The following KIAA1217 variants were observed in gnomAD, a reference collection of about 807,000 sequenced individuals.
KIAA1217 encodes KIAA1217.
KIAA1217 carries 88 observed loss-of-function variants against 163.9 expected under a neutral mutation model. That is an observed-to-expected ratio of 0.54 (90% CI 0.45 to 0.64). The LOEUF (loss-of-function observed/expected upper bound fraction) is 0.64, where lower values mean the gene tolerates loss of function less well. Ranked by LOEUF, KIAA1217 falls within the 30% of genes least tolerant of loss-of-function variation. The pLI is 0.00. For missense variants in KIAA1217, 2,372 were observed against 2,475.0 expected (o/e 0.96, Z 0.88); for synonymous variants, 903 against 923.1 (o/e 0.98, Z 0.39).
chr10:23,735,877 A>C (rs1427606537), intron 1 of KIAA1217, among the ~76,000 whole-genome samples: 1 of 152,248 alleles, frequency 6.6e-6, no homozygotes, highest in Admixed American at 6.5e-5. Context: ...CCATCAACAT[A>C]ATCAAGATCA....
At chr10:23,779,253 A>C (rs991017290) in intron 1 of KIAA1217, among the ~76,000 whole-genome samples, 2 of 152,308 alleles carry the variant, frequency 1.3e-5, no homozygotes, top group African/African-American at 4.8e-5. Context: ...CAGGTCAGAA[A>C]ATCACATTTG....
intron 2 of KIAA1217, among the ~76,000 whole-genome samples, chr10:24,141,688 A>C (rs1056351751): frequency 2.6e-5 from 4 of 152,156 alleles, no homozygotes; most frequent in African/African-American, 7.2e-5. Flanking sequence ...GGACAGACGC[A>C]AACAGCACTC....
intron 3 of KIAA1217, among the ~76,000 whole-genome samples, chr10:24,399,814 T>C (rs1354200975): frequency 6.6e-6 from 1 of 152,202 alleles, no homozygotes; most frequent in Non-Finnish European, 1.5e-5. Flanking sequence ...CTGTACCCCT[T>C]GTCACCACAA....
chr10:24,006,198 A>C (rs998883130), intron 1 of KIAA1217, among the ~76,000 whole-genome samples: 6 of 152,224 alleles, frequency 3.9e-5, no homozygotes, highest in Non-Finnish European at 5.9e-5. Context: ...TGAGTATTTC[A>C]GGGTGAAAAC....
At chr10:23,697,307 T>G (rs950143660) in intron 1 of KIAA1217, among the ~76,000 whole-genome samples, 2 of 152,246 alleles carry the variant, frequency 1.3e-5, no homozygotes, top group African/African-American at 4.8e-5. Flanking sequence ...ATTTTGCTAC[T>G]AATGTATGAA....
At chr10:24,373,464 A>G (rs770661936) in intron 2 of KIAA1217, among the ~76,000 whole-genome samples, 4 of 152,152 alleles carry the variant, frequency 2.6e-5, no homozygotes, top group Non-Finnish European at 4.4e-5. Flanking sequence ...TGGGGATACC[A>G]TTAACAACCC....
intron 2 of KIAA1217, among the ~76,000 whole-genome samples, chr10:24,229,406 A>G (rs991536673): frequency 6.6e-6 from 1 of 152,264 alleles, no homozygotes; most frequent in Non-Finnish European, 1.5e-5. Flanking sequence ...TTCTAATCCA[A>G]TGGCGAAATG....
At chr10:24,212,077 A>G (rs961008110) in intron 1 of KIAA1217, among the ~76,000 whole-genome samples, 4 of 151,912 alleles carry the variant, frequency 2.6e-5, no homozygotes, top group African/African-American at 9.7e-5. Context: ...AAAGAGAAGG[A>G]AGGAAAAAGA....
At chr10:24,466,930 C>A (rs1375484740) in intron 5 of KIAA1217, 2 of 239,346 alleles carry the variant, frequency 8.4e-6, no homozygotes, top group Non-Finnish European at 1.4e-5. Flanking sequence ...TGAAATACAA[C>A]AAACTGTACA....
At chr10:23,951,714 C>T (rs932505160) in intron 1 of KIAA1217, among the ~76,000 whole-genome samples, 4 of 152,090 alleles carry the variant, frequency 2.6e-5, no homozygotes, top group African/African-American at 7.2e-5. Flanking sequence ...TTTAGTCTGC[C>T]GTGTGCAAGA....
At chr10:24,134,186 A>C (rs1449458818) in intron 2 of KIAA1217, among the ~76,000 whole-genome samples, 1 of 152,156 alleles carries the variant, frequency 6.6e-6, no homozygotes, top group African/African-American at 2.4e-5. Flanking sequence ...TTAAAGATAA[A>C]GGGATTTAGA....
At chr10:24,040,328 A>G (rs1848577957) in intron 2 of KIAA1217, among the ~76,000 whole-genome samples, 1 of 152,206 alleles carries the variant, frequency 6.6e-6, no homozygotes, top group African/African-American at 2.4e-5. Context: ...CACAATTGGA[A>G]TGCTCTTCAT....
chr10:24,239,673 ATG>A lies in KIAA1217; in HGVS notation c.354+19786_354+19787del, dbSNP rs150874554. ...CCATGTATTTCTTATTTATTCCCAG[ATG>A]TGTGTGTGTGTGTGTGTGTGTTTGT... On this transcript the variant is annotated intron_variant, in intron 2 of 20. Coordinates refer to ENST00000376454, the MANE Select transcript of KIAA1217 (RefSeq NM_019590.5). Among the ~76,000 whole-genome samples, 673 of 147,418 alleles carry A rather than the reference ATG, an allele frequency of 4.6e-3. 4 individuals are homozygous for A. Among genetic ancestry groups the A allele is most frequent in the African/African-American group, 0.013 (524 of 39,964 alleles).
At chr10:24,538,228 C>T (rs898249057) in intron 17 of KIAA1217, among the ~76,000 whole-genome samples, 1 of 152,182 alleles carries the variant, frequency 6.6e-6, no homozygotes. Flanking sequence ...AGCCAAGAGG[C>T]CTTGCCAAGG....
intron 6 of KIAA1217, among the ~76,000 whole-genome samples, chr10:24,479,311 A>G (rs970816406): frequency 6.6e-6 from 1 of 151,854 alleles, no homozygotes; most frequent in African/African-American, 2.4e-5. Flanking sequence ...ATGAAAGTCT[A>G]AATTCAGATT....
intron 2 of KIAA1217, among the ~76,000 whole-genome samples, chr10:24,062,221 T>C (rs2060751544): frequency 1.3e-5 from 2 of 151,346 alleles, no homozygotes; most frequent in African/African-American, 2.4e-5. Flanking sequence ...ATGTGCCATG[T>C]TGGTGTGCTG....
chr10:24,434,967 C>T (rs1251871948), intron 4 of KIAA1217, among the ~76,000 whole-genome samples: 1 of 152,218 alleles, frequency 6.6e-6, no homozygotes, highest in Non-Finnish European at 1.5e-5. Flanking sequence ...CTCACCAAAT[C>T]ACTGGAGGCA....
intron 1 of KIAA1217, among the ~76,000 whole-genome samples, chr10:23,916,087 C>T (rs535102349): frequency 5.9e-5 from 9 of 152,228 alleles, no homozygotes; most frequent in East Asian, 3.9e-4. Context: ...ATTCAGCCTC[C>T]GGTTGCATAT....
At chr10:24,527,654 A>G (rs2072407648) in intron 13 of KIAA1217, among the ~76,000 whole-genome samples, 1 of 152,016 alleles carries the variant, frequency 6.6e-6, no homozygotes, top group Non-Finnish European at 1.5e-5. Context: ...ACAGATTGAG[A>G]CCCTGCCTCT....
Sources: allele counts gnomAD v4.1 joint callset (sites outside exome capture counted in the v4.1 genomes callset), GRCh38; gene constraint gnomAD v4.1.1; transcripts MANE v1.5; gene names NCBI Gene and HGNC (gene_info 2026-07-23, HGNC 2026-07-21).